NALF1: variants seen among roughly 807,000 people sequenced by gnomAD.
NALF1 encodes NALCN channel auxiliary factor 1.
NALF1 carries 3 observed loss-of-function variants against 48.4 expected under a neutral mutation model. That is an observed-to-expected ratio of 0.06 (90% CI 0.03 to 0.16). The LOEUF is 0.16. NALF1 is among the 10% of genes least tolerant of loss of function. The pLI, the probability that NALF1 is intolerant of heterozygous loss-of-function variation, is 1.00. For missense variants in NALF1, 526 were observed against 571.5 expected (o/e 0.92, Z 0.81); for synonymous variants, 262 against 245.7 (o/e 1.07, Z -0.62).
chr13:107,225,701 T>C (rs1285117786), intron 1 of NALF1, among the ~76,000 whole-genome samples: 1 of 152,062 alleles, frequency 6.6e-6, no homozygotes, highest in Non-Finnish European at 1.5e-5. Context: ...CTCTGAAAGC[T>C]CAAATAACAA....
chr13:107,534,181 G>C (rs114247137), intron 1 of NALF1, among the ~76,000 whole-genome samples: 1 of 152,056 alleles, frequency 6.6e-6, no homozygotes, highest in Non-Finnish European at 1.5e-5. Context: ...AAACTCTGCC[G>C]TGGTGCCCAG....
chr13:107,232,655 G>A (rs1018896796), intron 1 of NALF1, among the ~76,000 whole-genome samples: 4 of 152,014 alleles, frequency 2.6e-5, no homozygotes, highest in South Asian at 4.1e-4. Flanking sequence ...TTGCTTCATC[G>A]GTGATCTAGG....
intron 1 of NALF1, among the ~76,000 whole-genome samples, chr13:107,817,193 A>G (rs1302432935): frequency 6.6e-6 from 1 of 152,240 alleles, no homozygotes; most frequent in African/African-American, 2.4e-5. Context: ...CCTCATTACA[A>G]GGTTATCTAA....
Position 107,166,095 on chromosome 13 carries a change from A to T in NALF1, c.*4402T>A, listed in dbSNP as rs1878653489. The T allele has an allele frequency of 6.6e-6, 1 of 151,928 alleles. No individual in the cohort carries two copies. 9.4% of individuals were successfully genotyped at this position (151,928 alleles called of 1,614,324 possible). A position where few individuals can be genotyped will look rare whatever the true frequency, so the allele number is the denominator to read the frequency against. ...AGATATGCCATAGTATATAACCCTA[A>T]CGCCTCATATATGCATATGCACACT... On this transcript the variant is annotated 3_prime_UTR_variant, in exon 3 of 3. Coordinates refer to ENST00000375915, the MANE Select transcript of NALF1 (RefSeq NM_001080396.3).
intron 1 of NALF1, among the ~76,000 whole-genome samples, chr13:107,629,806 AT>A (rs1481319227): frequency 6.6e-6 from 1 of 151,142 alleles, no homozygotes; most frequent in Non-Finnish European, 1.5e-5. Context: ...TGAGATATAT[AT>A]GAATGAACTA....
intron 1 of NALF1, among the ~76,000 whole-genome samples, chr13:107,529,739 C>T (rs1053850093): frequency 6.6e-5 from 10 of 152,050 alleles, no homozygotes; most frequent in African/African-American, 2.2e-4. Flanking sequence ...TTTAGATCTT[C>T]CGTAAGCTCT....
At chr13:107,758,111 TTC>T (rs1237294201) in intron 1 of NALF1, among the ~76,000 whole-genome samples, 1 of 152,298 alleles carries the variant, frequency 6.6e-6, no homozygotes, top group Non-Finnish European at 1.5e-5. Context: ...ATCTCCTCTA[TTC>T]TGTTACTGAG....
chr13:107,401,518 C>G (rs530438672), intron 1 of NALF1, among the ~76,000 whole-genome samples: 2 of 152,098 alleles, frequency 1.3e-5, no homozygotes, highest in South Asian at 4.1e-4. Context: ...TTTATCACAA[C>G]AAATACTGGA....
chr13:107,571,583 G>A (rs991479382), intron 1 of NALF1, among the ~76,000 whole-genome samples: 1 of 152,134 alleles, frequency 6.6e-6, no homozygotes, highest in Non-Finnish European at 1.5e-5. Flanking sequence ...TAATAAACTA[G>A]TAAGTAAAGT....
intron 1 of NALF1, among the ~76,000 whole-genome samples, chr13:107,506,592 T>TTCTC (rs60259052): frequency 0.73 from 110,567 of 151,402 alleles, 40,850 homozygotes; most frequent in Middle Eastern, 0.83. Context: ...TTGTGCATTT[T>TTCTC]TCTCTATTTA....
At chr13:107,175,677 C>T (rs1878911715) in intron 2 of NALF1, among the ~76,000 whole-genome samples, 1 of 152,116 alleles carries the variant, frequency 6.6e-6, no homozygotes, top group Non-Finnish European at 1.5e-5. Flanking sequence ...CCTTCTAAGG[C>T]CATTATTTCT....
intron 1 of NALF1, among the ~76,000 whole-genome samples, chr13:107,708,830 C>T (rs1875481035): frequency 6.6e-6 from 1 of 152,124 alleles, no homozygotes; most frequent in Admixed American, 6.6e-5. Flanking sequence ...ATCAACCCAT[C>T]ACCTAGGTAT....
At chr13:107,272,200 T>C (rs1319513909) in intron 1 of NALF1, among the ~76,000 whole-genome samples, 1 of 27,086 alleles carries the variant, frequency 3.7e-5, no homozygotes, top group Non-Finnish European at 9.7e-5. Flanking sequence ...TTAGAATTTT[T>C]TTTTTTTTTT....
chr13:107,257,866 C>T (rs868497695), intron 1 of NALF1, among the ~76,000 whole-genome samples: 7 of 152,084 alleles, frequency 4.6e-5, no homozygotes, highest in Non-Finnish European at 1.0e-4. Flanking sequence ...TTTCTCCTAC[C>T]AGGAGTAGAA....
At chr13:107,307,418 G>T (rs9559006) in intron 1 of NALF1, among the ~76,000 whole-genome samples, 20,084 of 152,020 alleles carry the variant, frequency 0.13, 1,582 homozygotes, top group East Asian at 0.23. Flanking sequence ...TAACTTAATG[G>T]GAGGATCATA....
At chr13:107,676,324 G>T (rs1056200052) in intron 1 of NALF1, among the ~76,000 whole-genome samples, 1 of 152,174 alleles carries the variant, frequency 6.6e-6, no homozygotes, top group Non-Finnish European at 1.5e-5. Flanking sequence ...AGCATTCTGG[G>T]AATTCCTGTG....
intron 1 of NALF1, among the ~76,000 whole-genome samples, chr13:107,384,883 C>T (rs1175806946): frequency 1.3e-5 from 2 of 152,150 alleles, no homozygotes; most frequent in Non-Finnish European, 1.5e-5. Context: ...ACTGGTTATA[C>T]CATTAAGATT....
At chr13:107,375,782 T>G (rs1355793775) in intron 1 of NALF1, among the ~76,000 whole-genome samples, 4 of 152,102 alleles carry the variant, frequency 2.6e-5, no homozygotes, top group Non-Finnish European at 5.9e-5. Context: ...GAAAAGAATG[T>G]TCTAGAGAGG....
chr13:107,747,598 T>C lies in NALF1; in HGVS notation c.915+118084A>G, dbSNP rs1876817767. On this transcript the variant is annotated intron_variant, in intron 1 of 2. Transcript: ENST00000375915. ...TTTGACAGGGAGTCTTGGGAACTAG[T>C]GGAGAATCATATGGCCACACTCGAT... Among the ~76,000 whole-genome samples the C allele has an allele frequency of 2.0e-5, 3 of 152,152 alleles. No individual in the cohort carries two copies. In the South Asian group the frequency reaches 6.2e-4, roughly 31 times the overall value.
Sources: gnomAD v4.1 joint callset for allele counts (sites outside exome capture counted in the v4.1 genomes callset) on GRCh38, gnomAD v4.1.1 for gene constraint, MANE v1.5 for transcripts, NCBI Gene and HGNC (gene_info 2026-07-23, HGNC 2026-07-21) for gene names.